Variants in ASPRV1 observed in about 807,000 individuals in gnomAD.
ASPRV1 encodes the protein aspartic peptidase retroviral like 1, also known as retroviral-like aspartic protease 1.
A neutral mutation model predicts 11.0 loss-of-function variants in ASPRV1; 7 were observed. The ratio of observed to expected loss-of-function variants is 0.64; its 90% CI spans 0.36 to 1.20. The LOEUF is 1.20. ASPRV1 is among the 50% of genes most tolerant of loss of function. ASPRV1 has a pLI of 0.02. For missense variants in ASPRV1, 299 were observed against 320.0 expected (o/e 0.93, Z 0.50); for synonymous variants, 136 against 138.4 (o/e 0.98, Z 0.12).
At chr2:70,046,589 C>T in the ASPRV1 span, 1 of 152,184 alleles carries the variant, frequency 6.6e-6, no homozygotes, top group African/African-American at 2.4e-5. Flanking sequence ...TGCATGTTCT[C>T]CTTTGCTTTC....
chr2:69,993,461 G>C, the ASPRV1 span: 1 of 152,252 alleles, frequency 6.6e-6, no homozygotes, highest in Admixed American at 6.5e-5. Flanking sequence ...TTTCAGCTGT[G>C]AGGCCAACTA....
chr2:70,074,328 G>T, the ASPRV1 span, among the ~76,000 whole-genome samples: 1 of 148,128 alleles, frequency 6.8e-6, no homozygotes, highest in Non-Finnish European at 1.5e-5. Context: ...TTGCTCTGTC[G>T]CCCAGGCTGG....
At chr2:70,042,186 C>A in the ASPRV1 span, among the ~76,000 whole-genome samples, 3 of 152,140 alleles carry the variant, frequency 2.0e-5, no homozygotes, top group Non-Finnish European at 4.4e-5. Context: ...ATATTAAAAG[C>A]TCTTTTTGAG....
At chr2:70,077,382 C>T in the ASPRV1 span, 7 of 151,804 alleles carry the variant, frequency 4.6e-5, no homozygotes, top group African/African-American at 1.5e-4. Flanking sequence ...AGGATAAGTA[C>T]TTGGGTGGAG....
the ASPRV1 span, among the ~76,000 whole-genome samples, chr2:69,997,689 C>T: frequency 1.3e-5 from 2 of 152,182 alleles, no homozygotes; most frequent in Non-Finnish European, 2.9e-5. Context: ...ACCTCCAGCC[C>T]GATGGCACTG....
At chr2:70,043,636 G>A in the ASPRV1 span, among the ~76,000 whole-genome samples, 18 of 152,198 alleles carry the variant, frequency 1.2e-4, no homozygotes, top group Non-Finnish European at 2.6e-4. Flanking sequence ...GAAGTTGTCC[G>A]TGACCACCAG....
chr2:69,941,297 T>C, the ASPRV1 span: 1 of 152,190 alleles, frequency 6.6e-6, no homozygotes, highest in Non-Finnish European at 1.5e-5. Context: ...TTCCATCCCC[T>C]GTTGGCTTTG....
At chr2:70,059,463 T>G in the ASPRV1 span, among the ~76,000 whole-genome samples, 1 of 151,992 alleles carries the variant, frequency 6.6e-6, no homozygotes, top group Admixed American at 6.6e-5. Context: ...TTAATTAATC[T>G]CTTAGAGCAG....
the ASPRV1 span, among the ~76,000 whole-genome samples, chr2:70,013,788 T>C: frequency 5.5e-3 from 839 of 152,162 alleles, 7 homozygotes; most frequent in Middle Eastern, 0.02. Context: ...GGCTGAGGCA[T>C]GAGAATCACT....
chr2:70,080,232 G>GTT, the ASPRV1 span, among the ~76,000 whole-genome samples: 8 of 143,846 alleles, frequency 5.6e-5, no homozygotes, highest in Non-Finnish European at 6.1e-5. Context: ...TGCCCCTTCT[G>GTT]TTTTTTTTTT....
At chr2:70,085,012 T>C in the ASPRV1 span, among the ~76,000 whole-genome samples, 1 of 152,248 alleles carries the variant, frequency 6.6e-6, no homozygotes, top group Non-Finnish European at 1.5e-5. Flanking sequence ...GGCACCAGTT[T>C]GTTGCTTGGC....
the ASPRV1 span, among the ~76,000 whole-genome samples, chr2:70,039,428 G>C: frequency 6.6e-6 from 1 of 152,134 alleles, no homozygotes; most frequent in Non-Finnish European, 1.5e-5. Context: ...GAAGGAATCA[G>C]AACAACTTGC....
the ASPRV1 span, among the ~76,000 whole-genome samples, chr2:70,025,997 A>G: frequency 2.0e-5 from 3 of 152,250 alleles, no homozygotes; most frequent in Admixed American, 2.0e-4. Context: ...AAGAGATGCC[A>G]CATCATGGGC....
the ASPRV1 span, among the ~76,000 whole-genome samples, chr2:70,055,307 CA>C: frequency 1.4e-3 from 207 of 151,352 alleles, no homozygotes; most frequent in African/African-American, 4.9e-3. Flanking sequence ...GACTCCGTCT[CA>C]AAAAAAAGAA....
chr2:69,997,172 C>T, the ASPRV1 span, among the ~76,000 whole-genome samples: 1 of 139,316 alleles, frequency 7.2e-6, no homozygotes, highest in Admixed American at 7.3e-5. Context: ...GGTGACAGAG[C>T]AAGACCCAGT....
At chr2:70,017,215 T>C in the ASPRV1 span, among the ~76,000 whole-genome samples, 1 of 152,150 alleles carries the variant, frequency 6.6e-6, no homozygotes, top group Non-Finnish European at 1.5e-5. Flanking sequence ...ATGGTCTCCA[T>C]CTCCTGATCT....
Position 69,960,334 on chromosome 2 carries a change from C to T in ASPRV1, c.*323G>A. 1 of 299,590 alleles carries T rather than the reference C, an allele frequency of 3.3e-6. No individual in the cohort carries two copies. The highest frequency in any genetic ancestry group is 6.3e-6 in the Non-Finnish European group (1 of 158,372). The allele number at this position is 299,590 out of a possible 1,614,324, so 18.6% of individuals were successfully genotyped here. The stretch of plus-strand genomic sequence containing the variant: ...TACCTCAGGGAATCTGAAGGGGTCC[C>T]ACAGTTCTTTCAAAGACAAGCATTT... On this transcript the variant is annotated 3_prime_UTR_variant, in exon 1 of 1. Transcript: ENST00000320256.
At chr2:70,019,782 T>C in the ASPRV1 span, among the ~76,000 whole-genome samples, 2 of 152,166 alleles carry the variant, frequency 1.3e-5, no homozygotes, top group Non-Finnish European at 2.9e-5. Flanking sequence ...TGGAAGGATG[T>C]TGGTCAAAGG....
Position 69,961,022 on chromosome 2 carries a change from T to C in ASPRV1, c.415A>G (p.Asn139Asp). The C allele has an allele frequency of 6.2e-7, 1 of 1,613,894 alleles. No individual in the cohort carries two copies. Residue 139 changes from asparagine to aspartate, a missense_variant, in exon 1 of 1, where the codon AAC becomes GAC. Asn to Asp is a conservative substitution (Grantham distance 23). Transcript: ENST00000320256. ...SGAQVSVVHP[N>D]LWEEVTDGDL... is the part of the protein sequence containing the mutation. ...CCATCAGTGACCTCCTCCCACAAGT[T>C]TGGGTGGACCACAGAGACCTGGGCC... is the stretch of plus-strand genomic sequence containing the variant.
Sources: allele counts gnomAD v4.1 joint callset (sites outside exome capture counted in the v4.1 genomes callset), GRCh38; gene constraint gnomAD v4.1.1; transcripts MANE v1.5; gene names NCBI Gene and HGNC (gene_info 2026-07-23, HGNC 2026-07-21).